The following DCST1 variants were observed in gnomAD, a reference collection of about 807,000 sequenced individuals.
DCST1 encodes the protein DC-STAMP domain containing 1, also known as E3 ubiquitin-protein ligase DCST1.
Under a neutral mutation model 89.1 loss-of-function variants are expected in DCST1, and 78 were observed. The observed-to-expected ratio is 0.88, with a 90% CI of 0.73 to 1.06. DCST1 has a LOEUF of 1.06. DCST1 is among the 50% of genes least tolerant of loss of function. DCST1 has a pLI of 0.00. For synonymous variants in DCST1, 364 were observed against 371.9 expected, an observed-to-expected ratio of 0.98 and a Z score of 0.24; for missense variants, 900 against 928.6, an observed-to-expected ratio of 0.97 and a Z score of 0.40.
chr1:155,035,939 G>C (rs1391557893), intron 4 of DCST1, among the ~76,000 whole-genome samples: 1 of 144,342 alleles, frequency 6.9e-6, no homozygotes, highest in Non-Finnish European at 1.5e-5. Flanking sequence ...TCAAAAAAAA[G>C]AAAAGAATAG....
intron 4 of DCST1, among the ~76,000 whole-genome samples, chr1:155,037,677 T>C (rs868543163): frequency 3.3e-5 from 5 of 152,160 alleles, no homozygotes; most frequent in Admixed American, 2.0e-4. Flanking sequence ...CCTCAAGTGA[T>C]CCACCCGCCT....
Position 155,043,043 on chromosome 1 carries a change from G to A in DCST1, c.1014+187G>A, listed in dbSNP as rs75397876. On this transcript the variant is annotated intron_variant, in intron 9 of 16. Coordinates refer to ENST00000295542, the MANE Select transcript of DCST1 (RefSeq NM_152494.4). ...CCCTCTGTTTCCCATCTCCACCCCCGAACACCTGAGATGGGCAGGGGAGGG... is the reference window on the plus strand; with the variant it reads ...CCCTCTGTTTCCCATCTCCACCCCCAAACACCTGAGATGGGCAGGGGAGGG... Among the ~76,000 whole-genome samples the A allele has an allele frequency of 1.4e-4, 21 of 151,954 alleles. No homozygotes were observed. In the East Asian group the frequency reaches 3.5e-3, roughly 25 times the overall value.
chr1:155,038,693 T>C (rs1660342750), intron 4 of DCST1, among the ~76,000 whole-genome samples: 1 of 152,166 alleles, frequency 6.6e-6, no homozygotes, highest in South Asian at 2.1e-4. Context: ...ACACGTCCTG[T>C]CTTTGTCCAG....
rs1425831229 is a variant in DCST1 at position 155,045,921 on chromosome 1, C to T, written c.1201C>T (p.His401Tyr). 13 of 1,614,220 alleles carry T rather than the reference C, an allele frequency of 8.1e-6. No individual in the cohort carries two copies. The highest frequency in any genetic ancestry group is 1.1e-5 in the Non-Finnish European group (13 of 1,180,024). Residue 401 changes from histidine (H) to tyrosine (Y), a missense_variant, in exon 11 of 17, where the codon CAT (histidine) becomes TAT (tyrosine). Coordinates refer to ENST00000295542, the MANE Select transcript of DCST1 (RefSeq NM_152494.4). ...TTTCTCCTACATGGACAGCTATAAC[C>T]ATGACATTCGTTTTGACAACATCTA... ...ASFSYMDSYN[H>Y]DIRFDNIYIS...
intron 9 of DCST1, 119 bp downstream of exon 9, chr1:155,042,975 G>C (rs1000109470): frequency 6.9e-7 from 1 of 1,438,860 alleles, no homozygotes; most frequent in Non-Finnish European, 9.3e-7. Flanking sequence ...CCAGGGGTGA[G>C]GGAGGGGGAC....
chr1:155,040,530 C>T lies in DCST1; in HGVS notation c.437C>T (p.Ser146Leu), dbSNP rs964150572. The change falls in exon 6 of 17, where the codon TCG (serine) becomes TTG (leucine). Residue 146 changes from serine to leucine, a missense_variant. Coordinates refer to ENST00000295542, the MANE Select transcript of DCST1 (RefSeq NM_152494.4). Reference protein sequence around the residue: ...LRHNLNNVIASLGCTVELQIN... With the variant: ...LRHNLNNVIALLGCTVELQIN... Reference sequence around the variant, plus strand: ...CACAATCTCAACAACGTGATCGCATCGCTGGGCTGCACCGTGGAGCTGCAG... The same window carrying T: ...CACAATCTCAACAACGTGATCGCATTGCTGGGCTGCACCGTGGAGCTGCAG... 100 of 1,594,658 alleles carry T rather than the reference C, an allele frequency of 6.3e-5. No individual in the cohort carries two copies. Among genetic ancestry groups the T allele is most frequent in the Non-Finnish European group, 8.3e-5 (97 of 1,169,762 alleles).
intron 13 of DCST1, 68 bp from the exon 14 acceptor site, chr1:155,047,127 TC>T: frequency 8.0e-7 from 1 of 1,255,954 alleles, no homozygotes; most frequent in South Asian, 1.2e-5. Flanking sequence ...CTCCCTGACA[TC>T]CACCCCCTTA....
intron 9 of DCST1, 42 bp from the exon 10 acceptor site, chr1:155,043,310 G>A (rs757566966): frequency 2.8e-5 from 45 of 1,613,462 alleles, no homozygotes; most frequent in Admixed American, 5.0e-5. Context: ...CAGGTCTGAC[G>A]AGGTGGCCGC....
rs562666532 is a variant in DCST1 at position 155,042,107 on chromosome 1, T to C, written c.892+250T>C. Among the ~76,000 whole-genome samples, 4 of 152,330 alleles carry C rather than the reference T, an allele frequency of 2.6e-5. No individual in the cohort carries two copies. The East Asian group carries it at 7.7e-4, about 29-fold the overall frequency. Reference sequence around the variant, plus strand: ...TAACAGTAGTTCTTGCATTAATTTTTTTTTTTGAGACGGGGTGCTTCACTC... The same window carrying C: ...TAACAGTAGTTCTTGCATTAATTTTCTTTTTTGAGACGGGGTGCTTCACTC... On this transcript the variant is annotated intron_variant, in intron 8 of 16. Transcript: ENST00000295542.
chr1:155,047,895 T>G lies in DCST1; in HGVS notation c.1721T>G (p.Leu574Arg). ...CTGTTACAGGCTTTTGGCTACCGAC[T>G]CCGGAGGGTCATCGCAGCCTTCTAC... ...LCLLQAFGYR[L>R]RRVIAAFYFP... Residue 574 changes from leucine to arginine, a missense_variant, in exon 15 of 17, where the codon CTC becomes CGC. Transcript: ENST00000295542. The G allele has an allele frequency of 6.2e-7, 1 of 1,614,136 alleles. No homozygotes were observed. Among genetic ancestry groups the G allele is most frequent in the Non-Finnish European group, 8.5e-7 (1 of 1,180,030 alleles).
At position 155,043,420 on chromosome 1, in the gene DCST1, CTACGTG is replaced by C. The variant is rs1660497071; in HGVS notation, c.1087_1092del (p.Val363_Tyr364del). ...AGCGCGTGAGCACCGAGGTGCGGGA[CTACGTG>C]TACCGCCAGGAGGCCCGGCTGGAGT... On this transcript the variant is annotated inframe_deletion, in exon 10 of 17. Coordinates refer to ENST00000295542, the MANE Select transcript of DCST1 (RefSeq NM_152494.4). 1.9e-6 allele frequency: 3 copies of C among 1,611,506 alleles called. No homozygotes were observed. Among genetic ancestry groups the C allele is most frequent in the East Asian group, 4.5e-5 (2 of 44,882 alleles).
At chr1:155,045,428 C>T (rs1181342609) in intron 10 of DCST1, 2 of 212,964 alleles carry the variant, frequency 9.4e-6, no homozygotes, top group Admixed American at 5.3e-5. Flanking sequence ...AGTTTTGCCC[C>T]AGCACACTTC....
intron 4 of DCST1, 53 bp from the exon 5 acceptor site, chr1:155,039,350 A>C (rs1660362853): frequency 1.4e-6 from 2 of 1,463,344 alleles, no homozygotes; most frequent in East Asian, 5.0e-5. Context: ...AAACGTGAGG[A>C]AGGGAGGCAG....
intron 3 of DCST1, 29 bp from the exon 4 acceptor site, chr1:155,034,624 T>C: frequency 6.2e-7 from 1 of 1,614,198 alleles, no homozygotes; most frequent in Non-Finnish European, 8.5e-7. Context: ...ACCCATCTTT[T>C]GGCCTTTGGC....
chr1:155,040,930 C>G (rs1374046272), intron 6 of DCST1, among the ~76,000 whole-genome samples: 1 of 151,780 alleles, frequency 6.6e-6, no homozygotes. Flanking sequence ...TCAGAAGTTT[C>G]GAAGACAAGA....
chr1:155,039,531 GGTGA>G lies in DCST1; in HGVS notation c.391+3_391+6del. The G allele has an allele frequency of 6.3e-7, 1 of 1,590,068 alleles. No homozygotes were observed. Among genetic ancestry groups the G allele is most frequent in the Non-Finnish European group, 8.6e-7 (1 of 1,167,356 alleles). On this transcript the variant is annotated splice_donor_variant and splice_donor_region_variant and intron_variant, in intron 5 of 16. Transcript: ENST00000295542. LOFTEE classifies it high-confidence loss of function. Reference sequence around the variant, plus strand: ...ATACGCCTTGGCTGCCATCTATGTGGGTGAGTATGTGGGGGCCAGTGAGTTACAC... The same window carrying G: ...ATACGCCTTGGCTGCCATCTATGTGGGTATGTGGGGGCCAGTGAGTTACAC...
At chr1:155,046,948 C>T (rs1422787722) in intron 13 of DCST1, among the ~76,000 whole-genome samples, 38 of 152,214 alleles carry the variant, frequency 2.5e-4, no homozygotes, top group Non-Finnish European at 2.9e-5. Context: ...TTCAGCCCCT[C>T]CCTGTCCTCC....
At chr1:155,034,283 A>C in intron 2 of DCST1, 152 bp from the exon 3 acceptor site, 1 of 1,582,612 alleles carries the variant, frequency 6.3e-7, no homozygotes, top group Non-Finnish European at 8.6e-7. Flanking sequence ...CCACTTCCTC[A>C]GGCTCCCTCA....
At chr1:155,043,731 T>A (rs1660513126) in intron 10 of DCST1, among the ~76,000 whole-genome samples, 1 of 152,236 alleles carries the variant, frequency 6.6e-6, no homozygotes, top group Non-Finnish European at 1.5e-5. Flanking sequence ...CCGTCTTCAT[T>A]CATCCACCTC....
Sources: allele counts gnomAD v4.1 joint callset (sites outside exome capture counted in the v4.1 genomes callset), GRCh38; gene constraint gnomAD v4.1.1; transcripts MANE v1.5; gene names NCBI Gene and HGNC (gene_info 2026-07-23, HGNC 2026-07-21).